The following EPHA7 variants were observed in gnomAD, a reference collection of about 807,000 sequenced individuals.
EPHA7 encodes ephrin type-A receptor 7.
A neutral mutation model predicts 112.6 loss-of-function variants in EPHA7; 25 were observed. That is an observed-to-expected ratio of 0.22 (90% confidence interval 0.16 to 0.31). The LOEUF (loss-of-function observed/expected upper bound fraction) is 0.31, where lower values mean the gene tolerates loss of function less well. Ranked by LOEUF, EPHA7 falls within the 10% of genes least tolerant of loss-of-function variation. EPHA7 has a pLI of 1.00. For missense variants in EPHA7, 962 were observed against 1,212.6 expected (o/e 0.79, Z 3.07); for synonymous variants, 437 against 406.5 (o/e 1.07, Z -0.90).
chr6:93,410,229 C>T lies in EPHA7; in HGVS notation c.832+272G>A. 1 of 372,186 alleles carries T rather than the reference C, an allele frequency of 2.7e-6. No homozygotes were observed. Among genetic ancestry groups the T allele is most frequent in the Non-Finnish European group, 4.9e-6 (1 of 203,640 alleles). 23.1% of individuals were successfully genotyped at this position (372,186 alleles called of 1,614,324 possible). On this transcript the variant is annotated intron_variant, in intron 3 of 16. Transcript: ENST00000369303. This position sits in a 1 kb window ranked among gnomAD's most constrained non-coding sequence, Gnocchi z 4.0. ...CCAGACTCCTCTCTAAACTCCATAGCCCAACGTGCAACTATTGACTTCCAT... is the reference window on the plus strand; with the variant it reads ...CCAGACTCCTCTCTAAACTCCATAGTCCAACGTGCAACTATTGACTTCCAT...
chr6:93,417,207 G>A (rs1023921521), intron 1 of EPHA7, among the ~76,000 whole-genome samples: 2 of 152,146 alleles, frequency 1.3e-5, no homozygotes, highest in Admixed American at 6.5e-5. Context: ...AGTGAGGGAA[G>A]GGGGTTTCTT....
chr6:93,294,050 C>T (rs866925031), intron 5 of EPHA7, among the ~76,000 whole-genome samples: 5 of 152,052 alleles, frequency 3.3e-5, no homozygotes, highest in East Asian at 3.9e-4. Context: ...ATTTATGGGA[C>T]GGGAAAGATA....
chr6:93,315,813 C>T (rs1469169905), intron 5 of EPHA7, among the ~76,000 whole-genome samples: 2 of 152,124 alleles, frequency 1.3e-5, no homozygotes, highest in Admixed American at 1.3e-4. Context: ...TGTTATTTTA[C>T]TTATGCTAAA....
At chr6:93,260,664 G>C in intron 9 of EPHA7, 1 of 976,132 alleles carries the variant, frequency 1.0e-6, no homozygotes, top group Non-Finnish European at 1.2e-6. Context: ...AAAGGAAAAT[G>C]GGATTTAAAA....
chr6:93,254,889 G>A, intron 13 of EPHA7, 93 bp from the exon 14 acceptor site: 1 of 1,062,666 alleles, frequency 9.4e-7, no homozygotes, highest in Non-Finnish European at 1.3e-6. Flanking sequence ...ATTTTTGGTT[G>A]GTAGTTCAGC....
chr6:93,336,545 G>A (rs1448739993), intron 5 of EPHA7, among the ~76,000 whole-genome samples: 1 of 152,090 alleles, frequency 6.6e-6, no homozygotes, highest in Non-Finnish European at 1.5e-5. Context: ...TGGGACTACA[G>A]GCACGTGCCA....
At chr6:93,259,851 A>G (rs1770606881) in intron 9 of EPHA7, among the ~76,000 whole-genome samples, 1 of 152,006 alleles carries the variant, frequency 6.6e-6, no homozygotes, top group Admixed American at 6.6e-5. Context: ...TTGTAAATCT[A>G]CCAGTCAGTC....
chr6:93,314,041 T>C (rs1018585453), intron 5 of EPHA7, among the ~76,000 whole-genome samples: 2 of 152,166 alleles, frequency 1.3e-5, no homozygotes, highest in African/African-American at 4.8e-5. Context: ...AATTCTTCTA[T>C]GTCTTACAGT....
chr6:93,287,437 G>A (rs899632564), intron 5 of EPHA7, among the ~76,000 whole-genome samples: 3 of 151,366 alleles, frequency 2.0e-5, no homozygotes, highest in Non-Finnish European at 4.4e-5. Flanking sequence ...TGGACTCTCA[G>A]TAGCATTAAT....
chr6:93,414,681 T>C lies in EPHA7; in HGVS notation c.162+22A>G, dbSNP rs375277889. Reference sequence around the variant, plus strand: ...TGTTTCTTATTTTAAAAAAGTGATATTTTATGATGAAAAAAACTTACCCCA... The same window carrying C: ...TGTTTCTTATTTTAAAAAAGTGATACTTTATGATGAAAAAAACTTACCCCA... On this transcript the variant is annotated intron_variant, in intron 2 of 16. Coordinates refer to ENST00000369303, the MANE Select transcript of EPHA7 (RefSeq NM_004440.4). 30 of 1,587,800 alleles carry C rather than the reference T, an allele frequency of 1.9e-5. No homozygotes were observed. In the African/African-American group the frequency reaches 2.0e-4, roughly 11 times the overall value.
chr6:93,294,189 A>G (rs1329106251), intron 5 of EPHA7, among the ~76,000 whole-genome samples: 1 of 152,196 alleles, frequency 6.6e-6, no homozygotes, highest in African/African-American at 2.4e-5. Context: ...GATGTTAGCT[A>G]TGGAAAAAGT....
At chr6:93,340,993 G>C (rs1775110855) in intron 5 of EPHA7, among the ~76,000 whole-genome samples, 1 of 151,834 alleles carries the variant, frequency 6.6e-6, no homozygotes, top group Admixed American at 6.6e-5. Context: ...ACCTGCATAG[G>C]AATGACAGTG....
At chr6:93,269,399 A>G (rs370521200) in intron 7 of EPHA7, 78 bp downstream of exon 7, 1 of 1,155,666 alleles carries the variant, frequency 8.7e-7, no homozygotes, top group African/African-American at 1.6e-5. Context: ...GGTGCAAATG[A>G]TCACCTCAAT....
At chr6:93,298,354 A>C (rs1480687267) in intron 5 of EPHA7, among the ~76,000 whole-genome samples, 1 of 152,198 alleles carries the variant, frequency 6.6e-6, no homozygotes, top group Middle Eastern at 3.4e-3. Flanking sequence ...AGAAATAAAT[A>C]TTTTCCTAAC....
At chr6:93,368,092 T>C (rs1776605449) in intron 3 of EPHA7, among the ~76,000 whole-genome samples, 2 of 152,218 alleles carry the variant, frequency 1.3e-5, no homozygotes, top group East Asian at 3.9e-4. Flanking sequence ...AAAAGACAAA[T>C]AATGAGGATC....
At chr6:93,408,082 T>G (rs1264498757) in intron 3 of EPHA7, among the ~76,000 whole-genome samples, 2 of 152,050 alleles carry the variant, frequency 1.3e-5, no homozygotes, top group African/African-American at 2.4e-5. Context: ...ACCCGTAATC[T>G]TCTTTAAAAC....
intron 3 of EPHA7, among the ~76,000 whole-genome samples, chr6:93,407,232 C>A (rs900559820): frequency 6.6e-6 from 1 of 151,924 alleles, no homozygotes; most frequent in Non-Finnish European, 1.5e-5. Flanking sequence ...CAAAATGTGC[C>A]CAGATAAACT....
intron 3 of EPHA7, among the ~76,000 whole-genome samples, chr6:93,366,637 T>G (rs1776525996): frequency 1.3e-5 from 2 of 152,118 alleles, no homozygotes; most frequent in South Asian, 4.1e-4. Flanking sequence ...GGGGCTGTCC[T>G]GCATCCACAC....
At chr6:93,253,817 C>T (rs900346046) in intron 14 of EPHA7, among the ~76,000 whole-genome samples, 1 of 152,084 alleles carries the variant, frequency 6.6e-6, no homozygotes, top group East Asian at 1.9e-4. Context: ...AGATTTCATA[C>T]TGGCTCTACA....
Sources: gnomAD v4.1 joint callset for allele counts (sites outside exome capture counted in the v4.1 genomes callset) on GRCh38, gnomAD v4.1.1 for gene constraint, Gnocchi (gnomAD v3.1) non-coding constraint, MANE v1.5 for transcripts, NCBI Gene and HGNC (gene_info 2026-07-23, HGNC 2026-07-21) for gene names.